The following ARHGAP26 variants were observed in gnomAD, a reference collection of about 807,000 sequenced individuals.
ARHGAP26 encodes the protein Rho GTPase activating protein 26, also known as rho GTPase-activating protein 26.
Under a neutral mutation model 104.8 loss-of-function variants are expected in ARHGAP26, and 38 were observed. The ratio of observed to expected loss-of-function variants is 0.36; its 90% CI spans 0.28 to 0.48. ARHGAP26 has a LOEUF of 0.48. Ranked by LOEUF, ARHGAP26 falls within the 20% of genes least tolerant of loss-of-function variation. The probability of loss-of-function intolerance (pLI) is 0.99; values close to 1 mark genes in which losing one functional copy is unlikely to be tolerated. For synonymous variants in ARHGAP26, 341 were observed against 340.0 expected (o/e 1.00, Z -0.03); for missense variants, 704 against 947.9 (o/e 0.74, Z 3.38).
At chr5:142,904,451 G>C (rs1254536199) in intron 8 of ARHGAP26, among the ~76,000 whole-genome samples, 1 of 151,856 alleles carries the variant, frequency 6.6e-6, no homozygotes, top group African/African-American at 2.4e-5. Flanking sequence ...TCAGGAGGTG[G>C]AGGCTGCAGT....
At chr5:143,097,597 G>A (rs556455265) in intron 17 of ARHGAP26, among the ~76,000 whole-genome samples, 126 of 151,850 alleles carry the variant, frequency 8.3e-4, no homozygotes, top group Non-Finnish European at 1.6e-3. Flanking sequence ...GAGGCGGGTG[G>A]ATCATGAGGT....
intron 14 of ARHGAP26, among the ~76,000 whole-genome samples, chr5:143,050,606 A>G (rs1284724381): frequency 6.6e-6 from 1 of 152,198 alleles, no homozygotes; most frequent in Non-Finnish European, 1.5e-5. Context: ...TGAAGAAATC[A>G]AAATGCTTTA....
chr5:143,072,811 A>G (rs1788466431), intron 17 of ARHGAP26, among the ~76,000 whole-genome samples: 1 of 152,156 alleles, frequency 6.6e-6, no homozygotes, highest in Non-Finnish European at 1.5e-5. Flanking sequence ...TGTTAAAGAT[A>G]CAAAATTACA....
intron 17 of ARHGAP26, among the ~76,000 whole-genome samples, chr5:143,115,695 G>T (rs1314010447): frequency 6.6e-6 from 1 of 152,100 alleles, no homozygotes; most frequent in Non-Finnish European, 1.5e-5. Flanking sequence ...CATGCTAAGG[G>T]ATTTACTTGC....
At chr5:143,153,044 C>G (rs555891168) in intron 20 of ARHGAP26, among the ~76,000 whole-genome samples, 2 of 152,280 alleles carry the variant, frequency 1.3e-5, no homozygotes, top group Non-Finnish European at 1.5e-5. Flanking sequence ...GGGCAGCTGT[C>G]TTGGGATGGG....
intron 20 of ARHGAP26, among the ~76,000 whole-genome samples, chr5:143,157,167 T>C: frequency 8.4e-6 from 1 of 118,634 alleles, no homozygotes; most frequent in East Asian, 4.1e-4. Flanking sequence ...TTCAACACAT[T>C]CTTTCTTTTT....
chr5:143,195,200 G>A (rs1322116834), intron 20 of ARHGAP26, among the ~76,000 whole-genome samples: 2 of 152,238 alleles, frequency 1.3e-5, no homozygotes, highest in Non-Finnish European at 2.9e-5. Flanking sequence ...ATTTGCAAGA[G>A]TTTAACTTAA....
At chr5:142,945,655 GT>G (rs1322985014) in intron 11 of ARHGAP26, among the ~76,000 whole-genome samples, 4 of 151,842 alleles carry the variant, frequency 2.6e-5, no homozygotes, top group African/African-American at 7.3e-5. Flanking sequence ...CTCATTAAAA[GT>G]TTTTTTTAAA....
chr5:143,133,389 G>A (rs1347496900), intron 18 of ARHGAP26, among the ~76,000 whole-genome samples: 1 of 152,098 alleles, frequency 6.6e-6, no homozygotes, highest in Non-Finnish European at 1.5e-5. Context: ...GATAAACGAG[G>A]AAAAGCTCAG....
At chr5:143,145,816 A>G (rs1055560588) in intron 19 of ARHGAP26, among the ~76,000 whole-genome samples, 30 of 152,300 alleles carry the variant, frequency 2.0e-4, no homozygotes, top group African/African-American at 7.0e-4. Flanking sequence ...CTAGGGCATT[A>G]AGGATTTGCT....
At chr5:142,861,316 A>C (rs1753297759) in intron 1 of ARHGAP26, among the ~76,000 whole-genome samples, 1 of 151,726 alleles carries the variant, frequency 6.6e-6, no homozygotes, top group Admixed American at 6.6e-5. Flanking sequence ...TGGGAATGTT[A>C]TTAGGTGTGG....
intron 1 of ARHGAP26, among the ~76,000 whole-genome samples, chr5:142,812,032 C>T (rs961875387): frequency 6.6e-6 from 1 of 152,156 alleles, no homozygotes; most frequent in Non-Finnish European, 1.5e-5. Flanking sequence ...GATGAGTTGG[C>T]ATTCTCATCT....
At chr5:143,115,075 G>A (rs1371522689) in intron 17 of ARHGAP26, among the ~76,000 whole-genome samples, 6 of 152,164 alleles carry the variant, frequency 3.9e-5, no homozygotes, top group Non-Finnish European at 8.8e-5. Context: ...GCTTATGCCT[G>A]TAATTCCAGC....
chr5:143,179,192 A>T (rs1803944907), intron 20 of ARHGAP26, among the ~76,000 whole-genome samples: 1 of 152,236 alleles, frequency 6.6e-6, no homozygotes, highest in South Asian at 2.1e-4. Context: ...CATGATAAAT[A>T]CATGATTATC....
At chr5:142,849,957 C>T (rs1429824701) in intron 1 of ARHGAP26, among the ~76,000 whole-genome samples, 2 of 152,204 alleles carry the variant, frequency 1.3e-5, no homozygotes, top group African/African-American at 4.8e-5. Flanking sequence ...ACACTCTTCT[C>T]ACCACGCCAA....
chr5:143,198,973 G>A lies in ARHGAP26; in HGVS notation c.1989-8225G>A, dbSNP rs139531853. Among the ~76,000 whole-genome samples, 616 of 152,256 alleles carry A rather than the reference G, an allele frequency of 4.0e-3. 6 individuals are homozygous for A. The highest frequency in any genetic ancestry group is 0.013 in the African/African-American group (560 of 41,550). ...TTTTTTAAAGCTAGAAAACAGAACC[G>A]CTGCATTGTAAACTAGTCAAGCTAT... On this transcript the variant is annotated intron_variant, in intron 20 of 22. Transcript: ENST00000645722.
rs564144105 is a variant in ARHGAP26, at chr5:143,228,683, A to G, written c.*6237A>G. The G allele has an allele frequency of 2.9e-5, 6 of 207,110 alleles. No individual in the cohort carries two copies. Among genetic ancestry groups the G allele is most frequent in the Admixed American group, 2.4e-4 (4 of 16,822 alleles). 12.8% of individuals were successfully genotyped at this position (207,110 alleles called of 1,614,324 possible). A position where few individuals can be genotyped will look rare whatever the true frequency, so the allele number is the denominator to read the frequency against. The stretch of plus-strand genomic sequence containing the variant: ...ATAATATCAATAAAGTACTTATTAA[A>G]TGGCACTTTAATGTTTTCTTTTAAA... On this transcript the variant is annotated 3_prime_UTR_variant, in exon 23 of 23. Transcript: ENST00000645722.
intron 22 of ARHGAP26, among the ~76,000 whole-genome samples, chr5:143,217,659 A>C (rs1313178543): frequency 6.6e-6 from 1 of 152,208 alleles, no homozygotes; most frequent in African/African-American, 2.4e-5. Flanking sequence ...GGAGCCCCCA[A>C]GCTGCCTAGG....
chr5:143,038,544 C>T (rs993655107), intron 13 of ARHGAP26, among the ~76,000 whole-genome samples: 8 of 152,096 alleles, frequency 5.3e-5, no homozygotes, highest in African/African-American at 1.9e-4. Context: ...AGGATGTTTA[C>T]ACCGTGGTGA....
Sources: gnomAD v4.1 joint callset for allele counts (sites outside exome capture counted in the v4.1 genomes callset) on GRCh38, gnomAD v4.1.1 for gene constraint, MANE v1.5 for transcripts, NCBI Gene and HGNC (gene_info 2026-07-23, HGNC 2026-07-21) for gene names.